EYS: variants seen among roughly 807,000 people sequenced by gnomAD.
EYS encodes protein eyes shut homolog.
EYS carries 250 observed loss-of-function variants against 282.1 expected under a neutral mutation model. The observed-to-expected ratio is 0.89, with a 90% CI of 0.80 to 0.98. EYS has a LOEUF of 0.98. Among genes scored for constraint, EYS ranks in the 50% least tolerant of loss-of-function variants. The probability of loss-of-function intolerance (pLI) is 0.00; values close to 1 mark genes in which losing one functional copy is unlikely to be tolerated. For synonymous variants in EYS, 1,355 were observed against 1,282.9 expected (o/e 1.06, Z -1.20); for missense variants, 4,016 against 3,709.0 (o/e 1.08, Z -2.15).
At chr6:65,432,578 T>C (rs1488020559) in intron 5 of EYS, among the ~76,000 whole-genome samples, 1 of 151,988 alleles carries the variant, frequency 6.6e-6, no homozygotes, top group Non-Finnish European at 1.5e-5. Context: ...TGTGAAAGAA[T>C]GAGAGGAGTA....
At chr6:64,145,727 T>C (rs560514717) in intron 31 of EYS, among the ~76,000 whole-genome samples, 11 of 152,202 alleles carry the variant, frequency 7.2e-5, no homozygotes, top group Non-Finnish European at 1.6e-4. Context: ...AAAGGTTTAC[T>C]GTATGACTTC....
chr6:64,588,876 T>TAC (rs1766312646), intron 26 of EYS, among the ~76,000 whole-genome samples: 3 of 151,964 alleles, frequency 2.0e-5, no homozygotes, highest in African/African-American at 4.8e-5. Flanking sequence ...TTAGGAGATG[T>TAC]AGGTGAGGTC....
chr6:65,685,814 C>T (rs923210122), intron 1 of EYS, among the ~76,000 whole-genome samples: 1 of 151,968 alleles, frequency 6.6e-6, no homozygotes, highest in Non-Finnish European at 1.5e-5. Context: ...CTAGAAGGTA[C>T]AACAATGTTG....
intron 36 of EYS, among the ~76,000 whole-genome samples, chr6:63,863,751 C>T (rs1772604119): frequency 6.7e-6 from 1 of 148,976 alleles, no homozygotes; most frequent in African/African-American, 2.5e-5. Flanking sequence ...TTTCGGCTCA[C>T]TGCAACCTCA....
At chr6:65,020,383 C>T (rs1583405271) in intron 13 of EYS, among the ~76,000 whole-genome samples, 1 of 152,126 alleles carries the variant, frequency 6.6e-6, no homozygotes, top group South Asian at 2.1e-4. Context: ...AGGCCACAGG[C>T]CCCATGGAAG....
intron 35 of EYS, among the ~76,000 whole-genome samples, chr6:63,888,854 G>A (rs1773335717): frequency 6.6e-6 from 1 of 152,202 alleles, no homozygotes; most frequent in Non-Finnish European, 1.5e-5. Flanking sequence ...AGCTAAAGGA[G>A]CATGTTCTAA....
chr6:64,860,302 C>A (rs563326024), intron 19 of EYS, among the ~76,000 whole-genome samples: 2 of 152,340 alleles, frequency 1.3e-5, no homozygotes, highest in East Asian at 3.9e-4. Context: ...GCCCACTTGG[C>A]ATGGCAGGCT....
intron 33 of EYS, among the ~76,000 whole-genome samples, chr6:64,019,621 G>C (rs1769079382): frequency 1.3e-5 from 2 of 151,570 alleles, no homozygotes; most frequent in African/African-American, 4.8e-5. Flanking sequence ...ATATTGGCCA[G>C]GCTGGTCTCG....
intron 2 of EYS, among the ~76,000 whole-genome samples, chr6:65,590,039 G>C (rs1440690669): frequency 6.6e-6 from 1 of 151,982 alleles, no homozygotes; most frequent in Non-Finnish European, 1.5e-5. Flanking sequence ...ATATAAGAAA[G>C]AAAGAAAGGA....
At chr6:64,140,326 GAATT>G (rs1219001078) in intron 31 of EYS, among the ~76,000 whole-genome samples, 3 of 152,174 alleles carry the variant, frequency 2.0e-5, no homozygotes, top group African/African-American at 7.2e-5. Flanking sequence ...TGATGATACT[GAATT>G]AATTTCTTGC....
intron 12 of EYS, among the ~76,000 whole-genome samples, chr6:65,111,347 C>T (rs542194741): frequency 5.3e-4 from 80 of 152,134 alleles, no homozygotes; most frequent in African/African-American, 1.6e-3. Context: ...TTCTTAACCC[C>T]TGTTTGTTTT....
At chr6:64,936,549 T>A (rs1768912310) in intron 15 of EYS, among the ~76,000 whole-genome samples, 1 of 151,552 alleles carries the variant, frequency 6.6e-6, no homozygotes, top group South Asian at 2.1e-4. Context: ...CGACCAAAAA[T>A]TATTATAACT....
At chr6:64,828,491 T>C (rs9360087) in intron 19 of EYS, among the ~76,000 whole-genome samples, 67,360 of 151,722 alleles carry the variant, frequency 0.44, 15,705 homozygotes, top group East Asian at 0.81. Flanking sequence ...GATGCATAGA[T>C]TTTATAGTAG....
At chr6:65,115,049 C>G (rs1775328040) in intron 12 of EYS, among the ~76,000 whole-genome samples, 1 of 152,026 alleles carries the variant, frequency 6.6e-6, no homozygotes. Flanking sequence ...GTTTCTCGGC[C>G]TACTACATCA....
intron 11 of EYS, among the ~76,000 whole-genome samples, chr6:65,308,912 ATAG>A (rs1769082398): frequency 6.6e-6 from 1 of 151,896 alleles, no homozygotes; most frequent in Non-Finnish European, 1.5e-5. Flanking sequence ...GAATAATGTA[ATAG>A]TAGTGCTTGG....
intron 4 of EYS, among the ~76,000 whole-genome samples, chr6:65,493,051 G>A (rs946180339): frequency 1.2e-4 from 18 of 152,136 alleles, no homozygotes; most frequent in South Asian, 4.2e-4. Flanking sequence ...GAGTAGCTGG[G>A]ATTACAGGCA....
intron 12 of EYS, among the ~76,000 whole-genome samples, chr6:65,251,876 CT>C: frequency 6.6e-6 from 1 of 151,986 alleles, no homozygotes; most frequent in African/African-American, 2.4e-5. Flanking sequence ...TGCCACATCC[CT>C]TTTTTTGTTG....
chr6:65,279,989 T>C (rs1384745059), intron 12 of EYS, among the ~76,000 whole-genome samples: 1 of 152,186 alleles, frequency 6.6e-6, no homozygotes, highest in African/African-American at 2.4e-5. Flanking sequence ...TAGAGCATTT[T>C]CAGTATCACT....
At chr6:64,548,449 C>A (rs1445932611) in intron 26 of EYS, among the ~76,000 whole-genome samples, 1 of 152,158 alleles carries the variant, frequency 6.6e-6, no homozygotes, top group African/African-American at 2.4e-5. Context: ...CAATGGTAGA[C>A]TGGATTAAGA....
Sources: allele counts gnomAD v4.1 joint callset (sites outside exome capture counted in the v4.1 genomes callset), GRCh38; gene constraint gnomAD v4.1.1; transcripts MANE v1.5; gene names NCBI Gene and HGNC (gene_info 2026-07-23, HGNC 2026-07-21).